FAM53B: variants seen among roughly 807,000 people sequenced by gnomAD.
FAM53B encodes the protein family with sequence similarity 53 member B.
FAM53B carries 12 observed loss-of-function variants against 32.7 expected under a neutral mutation model. That is an observed-to-expected ratio of 0.37 (90% CI 0.24 to 0.59). The LOEUF (loss-of-function observed/expected upper bound fraction) is 0.59. FAM53B is among the 20% of genes least tolerant of loss of function. The pLI, the probability that FAM53B is intolerant of heterozygous loss-of-function variation, is 0.72. For missense variants in FAM53B, 477 were observed against 577.7 expected, an observed-to-expected ratio of 0.83 and a Z score of 1.79; for synonymous variants, 234 against 228.7, an observed-to-expected ratio of 1.02 and a Z score of -0.21.
chr10:124,667,611 G>C (rs1289888998), intron 4 of FAM53B, among the ~76,000 whole-genome samples: 2 of 152,164 alleles, frequency 1.3e-5, no homozygotes, highest in African/African-American at 4.8e-5. Flanking sequence ...CCTGGTGCCT[G>C]GGGTGCGAGG....
intron 4 of FAM53B, among the ~76,000 whole-genome samples, chr10:124,627,910 G>A: frequency 7.5e-6 from 1 of 134,054 alleles, no homozygotes; most frequent in East Asian, 2.0e-4. Flanking sequence ...AGTCCACGGG[G>A]ATACAGACAA....
intron 4 of FAM53B, among the ~76,000 whole-genome samples, chr10:124,642,546 G>A (rs1211799768): frequency 4.6e-5 from 7 of 152,298 alleles, no homozygotes; most frequent in East Asian, 1.9e-4. Flanking sequence ...GCTTGCAGGT[G>A]TCCCGCTCTG....
intron 1 of FAM53B, among the ~76,000 whole-genome samples, chr10:124,724,315 C>T (rs1444460427): frequency 6.6e-6 from 1 of 152,146 alleles, no homozygotes; most frequent in Admixed American, 6.5e-5. Flanking sequence ...GGCCCCTTCC[C>T]AGCTTTTGGT....
chr10:124,696,121 T>G, intron 3 of FAM53B, 37 bp downstream of exon 3: 1 of 1,583,102 alleles, frequency 6.3e-7, no homozygotes, highest in Non-Finnish European at 8.7e-7. Flanking sequence ...CTGGAAGGAC[T>G]AGGAGGACAG....
chr10:124,624,535 G>A (rs1248295511), intron 4 of FAM53B, among the ~76,000 whole-genome samples: 1 of 152,208 alleles, frequency 6.6e-6, no homozygotes, highest in Non-Finnish European at 1.5e-5. Context: ...CAGAGAGAGA[G>A]TAGGCTGCGC....
chr10:124,646,133 G>T (rs892877967), intron 4 of FAM53B, among the ~76,000 whole-genome samples: 1 of 152,190 alleles, frequency 6.6e-6, no homozygotes, highest in Non-Finnish European at 1.5e-5. Flanking sequence ...ACTGCGGGAG[G>T]GGGAACAATG....
Position 124,682,662 on chromosome 10 carries a change from C to A in FAM53B, c.134-283G>T, listed in dbSNP as rs1949780900. Among the ~76,000 whole-genome samples the A allele has an allele frequency of 6.6e-6, 1 of 152,218 alleles. No individual in the cohort carries two copies. The highest frequency in any genetic ancestry group is 2.1e-4 in the South Asian group (1 of 4,832). ...GTTTTCTTTCCAGTGTACCACACTG[C>A]CTCCCAGGAGAATCCAAAGCAATAT... On this transcript the variant is annotated intron_variant, in intron 3 of 4. Transcript: ENST00000337318. The surrounding 1 kb of genome is among the most constrained non-coding windows in gnomAD (Gnocchi z 5.2).
chr10:124,692,651 G>A (rs982783476), intron 3 of FAM53B, among the ~76,000 whole-genome samples: 4 of 140,124 alleles, frequency 2.9e-5, no homozygotes, highest in Admixed American at 7.8e-5. Context: ...GGAGGCGGAG[G>A]TTGCCCTGAG....
chr10:124,720,691 C>T (rs1010067492), intron 1 of FAM53B, among the ~76,000 whole-genome samples: 1 of 152,096 alleles, frequency 6.6e-6, no homozygotes, highest in Non-Finnish European at 1.5e-5. Context: ...TTCAACAAAC[C>T]CTTACTGAGT....
At chr10:124,731,337 G>GA (rs1159989549) in intron 1 of FAM53B, among the ~76,000 whole-genome samples, 1 of 152,160 alleles carries the variant, frequency 6.6e-6, no homozygotes, top group Admixed American at 6.5e-5. Context: ...CCACAGATGA[G>GA]AAAATCACAG....
chr10:124,653,742 C>T (rs1227542075), intron 4 of FAM53B, among the ~76,000 whole-genome samples: 2 of 152,294 alleles, frequency 1.3e-5, no homozygotes, highest in East Asian at 3.9e-4. Flanking sequence ...TCAGAGGGAT[C>T]CTGTGAGGAA....
chr10:124,724,700 A>G (rs1044337324), intron 1 of FAM53B, among the ~76,000 whole-genome samples: 1 of 152,140 alleles, frequency 6.6e-6, no homozygotes, highest in Non-Finnish European at 1.5e-5. Context: ...CCATCCCCCA[A>G]TATACCAACA....
chr10:124,647,160 T>C (rs577594465), intron 4 of FAM53B, among the ~76,000 whole-genome samples: 22 of 152,338 alleles, frequency 1.4e-4, no homozygotes, highest in Admixed American at 7.2e-4. Context: ...TGCTGGGCAC[T>C]CTGCCAAGCA....
rs546057402 is a variant in FAM53B at position 124,676,178 on chromosome 10, A to G, written c.906+5429T>C. Among the ~76,000 whole-genome samples the G allele has an allele frequency of 2.0e-5, 3 of 152,306 alleles. No individual in the cohort carries two copies. The South Asian group carries it at 6.2e-4, about 32-fold the overall frequency. On this transcript the variant is annotated intron_variant, in intron 4 of 4. Coordinates refer to ENST00000337318, the MANE Select transcript of FAM53B (RefSeq NM_014661.4). Reference sequence around the variant, plus strand: ...CAACTACTCTCGTGTGCCTGCCCACAAAAGTTTTTGCCTTTACTTGTATTT... The same window carrying G: ...CAACTACTCTCGTGTGCCTGCCCACGAAAGTTTTTGCCTTTACTTGTATTT...
chr10:124,708,583 G>C (rs1414044025), intron 1 of FAM53B, among the ~76,000 whole-genome samples: 1 of 152,256 alleles, frequency 6.6e-6, no homozygotes, highest in Non-Finnish European at 1.5e-5. Flanking sequence ...GTTCTGGCCA[G>C]GCAGCTGAGC....
chr10:124,712,477 C>T (rs991904409), intron 1 of FAM53B, among the ~76,000 whole-genome samples: 5 of 152,190 alleles, frequency 3.3e-5, no homozygotes, highest in African/African-American at 1.2e-4. Context: ...GAAGGCCAGG[C>T]ATTGGTGTCC....
chr10:124,652,590 G>C (rs1949563517), intron 4 of FAM53B, among the ~76,000 whole-genome samples: 1 of 152,200 alleles, frequency 6.6e-6, no homozygotes, highest in African/African-American at 2.4e-5. Flanking sequence ...AAGGAGGTGA[G>C]TGACATTCAG....
chr10:124,681,627 C>G lies in FAM53B; in HGVS notation c.886G>C (p.Asp296His), dbSNP rs1253575184. The G allele has an allele frequency of 6.2e-7, 1 of 1,607,454 alleles. No individual in the cohort carries two copies. Among genetic ancestry groups the G allele is most frequent in the Non-Finnish European group, 8.5e-7 (1 of 1,176,522 alleles). The change falls in exon 4 of 5, where the codon GAC (aspartate) becomes CAC (histidine). Residue 296 changes from aspartate to histidine, a missense_variant. Asp to His is a moderately conservative substitution (Grantham distance 81). Transcript: ENST00000337318. ...CTTACCTGTGCCATCTTGGCAAGGT[C>G]TAGAGAAGGCCTCTGCTCTTGCACT... ...EEVQEQRPSL[D>H]LAKMAQNCQT...
intron 1 of FAM53B, among the ~76,000 whole-genome samples, chr10:124,718,143 G>A (rs763854078): frequency 2.6e-5 from 4 of 151,924 alleles, no homozygotes; most frequent in Non-Finnish European, 2.9e-5. Flanking sequence ...CCAACACACC[G>A]GTCTAAGACT....
Sources: allele counts gnomAD v4.1 joint callset (sites outside exome capture counted in the v4.1 genomes callset), GRCh38; gene constraint gnomAD v4.1.1; non-coding constraint Gnocchi (gnomAD v3.1); transcripts MANE v1.5; gene names NCBI Gene and HGNC (gene_info 2026-07-23, HGNC 2026-07-21).